Variants in DPYS observed in about 807,000 individuals in gnomAD.
The protein encoded by DPYS is dihydropyrimidinase.
A neutral mutation model predicts 50.3 loss-of-function variants in DPYS; 39 were observed. That is an observed-to-expected ratio of 0.78 (90% confidence interval 0.60 to 1.01). The LOEUF (loss-of-function observed/expected upper bound fraction) is 1.01, where lower values mean the gene tolerates loss of function less well. Among genes scored for constraint, DPYS ranks in the 50% least tolerant of loss-of-function variants. DPYS has a pLI of 0.00. For missense variants in DPYS, 659 were observed against 680.9 expected, an observed-to-expected ratio of 0.97 and a Z score of 0.36; for synonymous variants, 245 against 250.7, an observed-to-expected ratio of 0.98 and a Z score of 0.22.
chr8:104,385,589 G>A (rs1049779294), intron 8 of DPYS, among the ~76,000 whole-genome samples: 2 of 152,134 alleles, frequency 1.3e-5, no homozygotes, highest in African/African-American at 4.8e-5. Context: ...CACATGAGAG[G>A]CTGTTGCTGT....
At chr8:104,466,586 C>A in intron 1 of DPYS, 71 bp downstream of exon 1, 3 of 1,442,406 alleles carry the variant, frequency 2.1e-6, no homozygotes, top group Non-Finnish European at 2.7e-6. Context: ...TGCTGAGGAC[C>A]CCGGGACGAC....
chr8:104,447,466 C>G lies in DPYS; in HGVS notation c.461G>C (p.Gly154Ala), dbSNP rs781328295. The change falls in exon 3 of 10, where the codon GGT (glycine) becomes GCT (alanine). Residue 154 changes from glycine to alanine, a missense_variant. Transcript: ENST00000351513. ...CATAAACATCTTGAAAGAGTTAACA[C>G]CTTTATCTTGCACAAGGATTTTCAT... Reference protein sequence around the residue: ...EEMKILVQDKGVNSFKMFMAY... With the variant: ...EEMKILVQDKAVNSFKMFMAY... 4.3e-6 allele frequency: 7 copies of G among 1,613,932 alleles called. No homozygotes were observed. The highest frequency in any genetic ancestry group is 5.9e-6 in the Non-Finnish European group (7 of 1,180,026).
intron 7 of DPYS, among the ~76,000 whole-genome samples, chr8:104,423,108 A>G (rs1812601352): frequency 6.6e-6 from 1 of 152,242 alleles, no homozygotes; most frequent in South Asian, 2.1e-4. Context: ...ACCTTGAACC[A>G]TGTCTTGTTG....
chr8:104,466,513 C>A (rs929713956), intron 1 of DPYS, 144 bp downstream of exon 1: 1 of 979,536 alleles, frequency 1.0e-6, no homozygotes, highest in Non-Finnish European at 1.4e-6. Flanking sequence ...CTCTGACACC[C>A]GCCGGGGCTG....
chr8:104,393,698 G>T (rs1204948526), intron 7 of DPYS, among the ~76,000 whole-genome samples: 1 of 152,114 alleles, frequency 6.6e-6, no homozygotes, highest in Non-Finnish European at 1.5e-5. Flanking sequence ...TTCAGGCTGG[G>T]TATTTGAAAA....
In DPYS at chr8:104,429,594, A is replaced by T; in HGVS notation, c.901T>A (p.Leu301Met). 6.2e-7 allele frequency: 1 copy of T among 1,614,154 alleles called. No individual in the cohort carries two copies. Among genetic ancestry groups the T allele is most frequent in the East Asian group, 2.2e-5 (1 of 44,866 alleles). The change falls in exon 5 of 10, where the codon TTG (leucine) becomes ATG (methionine). Residue 301 changes from leucine to methionine, a missense_variant. Transcript: ENST00000351513. The stretch of plus-strand genomic sequence containing the variant: ...TCGGGTGTTGAGGGGTCTGGTCGCA[A>T]AGGTGGACCCATGACATGGTGGGCT... Reference protein sequence around the residue: ...HAAHHVMGPPLRPDPSTPDFL... With the variant: ...HAAHHVMGPPMRPDPSTPDFL...
intron 8 of DPYS, among the ~76,000 whole-genome samples, chr8:104,390,637 A>G (rs1811357767): frequency 6.6e-6 from 1 of 151,978 alleles, no homozygotes; most frequent in Admixed American, 6.6e-5. Context: ...AGCTGGGACT[A>G]CAGGGGTGCG....
In DPYS at chr8:104,456,171, G is replaced by A. The variant is rs529778010; in HGVS notation, c.265-4767C>T. Among the ~76,000 whole-genome samples the A allele has an allele frequency of 1.5e-3, 231 of 152,272 alleles. 2 individuals are homozygous for A. The South Asian group carries it at 0.046, about 31-fold the overall frequency. ...ACAGGCCATAGCATATAGCCTAGGC[G>A]TGTAGTAGGCTATACCATCTAGGTT... is the stretch of plus-strand genomic sequence containing the variant. On this transcript the variant is annotated intron_variant, in intron 1 of 9. Coordinates refer to ENST00000351513, the MANE Select transcript of DPYS (RefSeq NM_001385.3).
At chr8:104,439,700 A>G (rs1453061788) in intron 4 of DPYS, among the ~76,000 whole-genome samples, 1 of 152,206 alleles carries the variant, frequency 6.6e-6, no homozygotes, top group Non-Finnish European at 1.5e-5. Flanking sequence ...TGGGAGGATC[A>G]TCTGAGCACA....
intron 7 of DPYS, among the ~76,000 whole-genome samples, chr8:104,408,951 T>C (rs868619373): frequency 6.6e-6 from 1 of 151,732 alleles, no homozygotes; most frequent in Non-Finnish European, 1.5e-5. Context: ...GTAGCTCGGA[T>C]TACAGGCGCC....
Position 104,392,794 on chromosome 8 carries a change from T to G in DPYS, c.1433A>C (p.Gln478Pro), listed in dbSNP as rs765274405. 8 of 1,614,058 alleles carry G rather than the reference T, an allele frequency of 5.0e-6. No individual in the cohort carries two copies. Among genetic ancestry groups the G allele is most frequent in the Non-Finnish European group, 6.8e-6 (8 of 1,180,024 alleles). The change falls in exon 8 of 10, where the codon CAG becomes CCG. Residue 478 changes from glutamine to proline, a missense_variant. Gln to Pro is a moderately conservative substitution (Grantham distance 76). Coordinates refer to ENST00000351513, the MANE Select transcript of DPYS (RefSeq NM_001385.3). ...FAEYIYKRIK[Q>P]RDRTCTPTPV... ...CTGTGGCACACTCACCCGGTCTCGC[T>G]GCTTTATTCGTTTGTAAATATATTC...
intron 7 of DPYS, among the ~76,000 whole-genome samples, chr8:104,422,644 C>T (rs558591004): frequency 6.6e-6 from 1 of 152,294 alleles, no homozygotes; most frequent in Admixed American, 6.5e-5. Context: ...TGATGTTATG[C>T]TTCAAAAACA....
intron 7 of DPYS, among the ~76,000 whole-genome samples, chr8:104,410,267 A>G (rs1812130761): frequency 6.6e-6 from 1 of 151,960 alleles, no homozygotes; most frequent in Admixed American, 6.6e-5. Context: ...CCAGACTCCT[A>G]CAATAGCCTC....
chr8:104,392,748 C>A, intron 8 of DPYS, 36 bp downstream of exon 8: 1 of 1,612,768 alleles, frequency 6.2e-7, no homozygotes, highest in Non-Finnish European at 8.5e-7. Flanking sequence ...AGGAGACAGT[C>A]CGACTTGTGG....
intron 4 of DPYS, among the ~76,000 whole-genome samples, chr8:104,430,545 T>C (rs1004521990): frequency 3.3e-5 from 5 of 152,170 alleles, no homozygotes; most frequent in African/African-American, 1.2e-4. Context: ...ACCAAATTAG[T>C]TCACTCTGGT....
At chr8:104,461,283 C>T (rs1456452006) in intron 1 of DPYS, among the ~76,000 whole-genome samples, 2 of 77,908 alleles carry the variant, frequency 2.6e-5, no homozygotes, top group African/African-American at 9.3e-5. Flanking sequence ...GAGAGTGAGA[C>T]CCTGTCTCAA....
chr8:104,428,818 G>T lies in DPYS; in HGVS notation c.951-697C>A, dbSNP rs375867826. On this transcript the variant is annotated intron_variant, in intron 5 of 9. Transcript: ENST00000351513. ...AGTGTCGGGATGTCCATGAAGGATAGAATTTTCTTTTCTCTTTTCTTTTTT... is the reference window on the plus strand; with the variant it reads ...AGTGTCGGGATGTCCATGAAGGATATAATTTTCTTTTCTCTTTTCTTTTTT... Among the ~76,000 whole-genome samples the T allele has an allele frequency of 1.7e-4, 23 of 135,632 alleles. No individual in the cohort carries two copies. In the East Asian group the frequency reaches 4.7e-3, roughly 27 times the overall value. The allele number at this position is 135,632 out of a possible 152,430, so 89.0% of individuals were successfully genotyped here. A position where few individuals can be genotyped will look rare whatever the true frequency, so the allele number is the denominator to read the frequency against.
chr8:104,466,810 G>C lies in DPYS; in HGVS notation c.111C>G (p.His37Gln), dbSNP rs370264718. 1.3e-6 allele frequency: 2 copies of C among 1,533,552 alleles called. No homozygotes were observed. The highest frequency in any genetic ancestry group is 1.2e-5 in the South Asian group (1 of 83,572). 95.0% of individuals were successfully genotyped at this position (1,533,552 alleles called of 1,614,324 possible). A position where few individuals can be genotyped will look rare whatever the true frequency, so the allele number is the denominator to read the frequency against. ...VEDGVVRALG[H>Q]DLLPPGGAPA... is the part of the protein sequence containing the mutation. ...GAGCGCCCCCGGGAGGCAGCAGGTC[G>C]TGCCCGAGTGCCCGCACCACGCCGT... The change falls in exon 1 of 10, where the codon CAC (histidine) becomes CAG (glutamine). Residue 37 changes from histidine to glutamine, a missense_variant. By Grantham distance (24) the His-to-Gln change is conservative (BLOSUM62 0). Transcript: ENST00000351513.
chr8:104,395,571 A>C (rs1031259641), intron 7 of DPYS, among the ~76,000 whole-genome samples: 1 of 152,164 alleles, frequency 6.6e-6, no homozygotes, highest in African/African-American at 2.4e-5. Context: ...AGTATGACTG[A>C]CTTATCTAAT....
Sources: allele counts gnomAD v4.1 joint callset (sites outside exome capture counted in the v4.1 genomes callset), GRCh38; gene constraint gnomAD v4.1.1; transcripts MANE v1.5; gene names NCBI Gene and HGNC (gene_info 2026-07-23, HGNC 2026-07-21).